The following UNC13C variants were observed in gnomAD, a reference collection of about 807,000 sequenced individuals.
UNC13C encodes the protein protein unc-13 homolog C.
A neutral mutation model predicts 245.4 loss-of-function variants in UNC13C; 174 were observed. The observed-to-expected ratio is 0.71, with a 90% CI of 0.63 to 0.80. UNC13C has a LOEUF of 0.80. UNC13C is among the 30% of genes least tolerant of loss of function. The pLI, the probability that UNC13C is intolerant of heterozygous loss-of-function variation, is 0.00. For missense variants in UNC13C, 2,829 were observed against 2,602.9 expected (o/e 1.09, Z -1.89); for synonymous variants, 992 against 895.1 (o/e 1.11, Z -1.93).
At chr15:53,950,063 A>G in the UNC13C span, among the ~76,000 whole-genome samples, 1 of 152,196 alleles carries the variant, frequency 6.6e-6, no homozygotes, top group Non-Finnish European at 1.5e-5. Flanking sequence ...CTCTTACCTC[A>G]GTACCTTATA....
chr15:53,864,992 A>G, the UNC13C span, among the ~76,000 whole-genome samples: 3 of 152,198 alleles, frequency 2.0e-5, no homozygotes, highest in Non-Finnish European at 4.4e-5. Context: ...ACCAACTACC[A>G]ACCTCAATTT....
rs546103250 is a variant in UNC13C, at chr15:54,374,738, G to C, written c.4714-18310G>C. On this transcript the variant is annotated intron_variant, in intron 17 of 32. Coordinates refer to ENST00000260323, the MANE Select transcript of UNC13C (RefSeq NM_001080534.3). Reference sequence around the variant, plus strand: ...CAACTTGGAAGGGGTGGGGGCTTCTGCCTGTTCCTGGCTCCTGCTAGCTCT... The same window carrying C: ...CAACTTGGAAGGGGTGGGGGCTTCTCCCTGTTCCTGGCTCCTGCTAGCTCT... 3.8e-4 allele frequency among the ~76,000 whole-genome samples: 58 copies of C among 152,350 alleles called. No individual in the cohort carries two copies. The South Asian group carries it at 0.011, about 29-fold the overall frequency.
intron 4 of UNC13C, among the ~76,000 whole-genome samples, chr15:54,178,820 T>G (rs2033701818): frequency 6.6e-6 from 1 of 152,164 alleles, no homozygotes; most frequent in Non-Finnish European, 1.5e-5. Flanking sequence ...CAGAGAAGTC[T>G]GACCTGTTCC....
chr15:53,840,793 C>T, the UNC13C span, among the ~76,000 whole-genome samples: 2 of 152,156 alleles, frequency 1.3e-5, no homozygotes, highest in African/African-American at 4.8e-5. Context: ...TCCATGATTA[C>T]TCATATGTGA....
chr15:54,229,613 A>G (rs1309406196), intron 4 of UNC13C, among the ~76,000 whole-genome samples: 1 of 152,204 alleles, frequency 6.6e-6, no homozygotes, highest in Non-Finnish European at 1.5e-5. Flanking sequence ...TACCTCACAT[A>G]GTTATATTTA....
the UNC13C span, among the ~76,000 whole-genome samples, chr15:53,940,054 C>G: frequency 6.6e-6 from 1 of 152,118 alleles, no homozygotes; most frequent in East Asian, 1.9e-4. Context: ...TGCTTCCCAC[C>G]ATCTCCCTCT....
intron 2 of UNC13C, among the ~76,000 whole-genome samples, chr15:54,110,174 G>A (rs1474126067): frequency 6.6e-6 from 1 of 151,978 alleles, no homozygotes; most frequent in South Asian, 2.1e-4. Flanking sequence ...TAGCTACTCA[G>A]GAGGCTGAGG....
chr15:54,107,871 A>T (rs1864422), intron 2 of UNC13C, among the ~76,000 whole-genome samples: 58,684 of 152,058 alleles, frequency 0.39, 12,583 homozygotes, highest in Admixed American at 0.5. Context: ...CATCCTTTGG[A>T]AAGAAATTTT....
At chr15:54,320,900 ATTG>A in intron 13 of UNC13C, 1 of 336,424 alleles carries the variant, frequency 3.0e-6, no homozygotes, top group Non-Finnish European at 5.8e-6. Context: ...CATTGCCAAA[ATTG>A]TTGTAGCTTC....
At chr15:54,526,867 C>G (rs1266383686) in intron 25 of UNC13C, among the ~76,000 whole-genome samples, 1 of 151,930 alleles carries the variant, frequency 6.6e-6, no homozygotes, top group East Asian at 1.9e-4. Flanking sequence ...ATTAGTTATG[C>G]CATTTTTTAA....
chr15:54,228,930 G>A (rs576341310), intron 4 of UNC13C, among the ~76,000 whole-genome samples: 1 of 152,286 alleles, frequency 6.6e-6, no homozygotes, highest in South Asian at 2.1e-4. Flanking sequence ...AGGATTTTCA[G>A]TCCTTGTACC....
At chr15:53,892,729 A>G in the UNC13C span, among the ~76,000 whole-genome samples, 17 of 152,028 alleles carry the variant, frequency 1.1e-4, no homozygotes, top group African/African-American at 3.9e-4. Flanking sequence ...CCATCAGGTC[A>G]TTTATGTTCT....
intron 4 of UNC13C, among the ~76,000 whole-genome samples, chr15:54,219,977 A>G (rs1207554976): frequency 2.0e-5 from 3 of 147,518 alleles, no homozygotes; most frequent in Non-Finnish European, 4.4e-5. Flanking sequence ...GAGAAATAGG[A>G]ACACTTTTAC....
At chr15:54,533,507 G>C (rs1043075322) in intron 26 of UNC13C, among the ~76,000 whole-genome samples, 3 of 152,192 alleles carry the variant, frequency 2.0e-5, no homozygotes, top group Non-Finnish European at 2.9e-5. Context: ...GAGGCAAGCA[G>C]ATAGCTGCCT....
intron 4 of UNC13C, among the ~76,000 whole-genome samples, chr15:54,145,209 GT>G (rs1486656189): frequency 6.6e-6 from 1 of 151,820 alleles, no homozygotes; most frequent in African/African-American, 2.4e-5. Flanking sequence ...GCATGTTTTA[GT>G]TTTTTTATCT....
At chr15:54,370,951 T>C (rs969787350) in intron 17 of UNC13C, among the ~76,000 whole-genome samples, 6 of 151,120 alleles carry the variant, frequency 4.0e-5, no homozygotes, top group South Asian at 2.1e-4. Context: ...TATATGTACA[T>C]TGTGGAATGA....
chr15:54,355,440 T>G (rs931882125), intron 17 of UNC13C, among the ~76,000 whole-genome samples: 1 of 152,054 alleles, frequency 6.6e-6, no homozygotes, highest in Non-Finnish European at 1.5e-5. Context: ...CACTGCAACC[T>G]CTGCCTCCCG....
At chr15:54,383,388 A>C (rs2039769160) in intron 17 of UNC13C, among the ~76,000 whole-genome samples, 1 of 152,186 alleles carries the variant, frequency 6.6e-6, no homozygotes, top group Admixed American at 6.5e-5. Flanking sequence ...CAACATATTC[A>C]GGTCAATAAA....
At chr15:54,417,176 G>C in intron 19 of UNC13C, 1 of 339,112 alleles carries the variant, frequency 2.9e-6, no homozygotes. Context: ...TATCTACATT[G>C]CCTATAATGA....
Sources: allele counts gnomAD v4.1 joint callset (sites outside exome capture counted in the v4.1 genomes callset), GRCh38; gene constraint gnomAD v4.1.1; transcripts MANE v1.5; gene names NCBI Gene and HGNC (gene_info 2026-07-23, HGNC 2026-07-21).